Variants in GPLD1 observed in about 807,000 individuals in gnomAD.
GPLD1 encodes glycosylphosphatidylinositol specific phospholipase D1.
GPLD1 carries 84 observed loss-of-function variants against 112.6 expected under a neutral mutation model. That is an observed-to-expected ratio of 0.75 (90% confidence interval 0.63 to 0.89). GPLD1 has a LOEUF of 0.89. Among genes scored for constraint, GPLD1 ranks in the 40% least tolerant of loss-of-function variants. The probability of loss-of-function intolerance (pLI) is 0.00; values close to 1 mark genes in which losing one functional copy is unlikely to be tolerated. For missense variants in GPLD1, 1,044 were observed against 1,051.5 expected, an observed-to-expected ratio of 0.99 and a Z score of 0.10; for synonymous variants, 386 against 403.8, an observed-to-expected ratio of 0.96 and a Z score of 0.53.
chr6:24,465,689 A>C lies in GPLD1; in HGVS notation c.821+991T>G, dbSNP rs150744595. Among the ~76,000 whole-genome samples the C allele has an allele frequency of 3.2e-3, 493 of 152,296 alleles. 5 individuals are homozygous for C. The highest frequency in any genetic ancestry group is 5.5e-3 in the Non-Finnish European group (374 of 68,012). On this transcript the variant is annotated intron_variant, in intron 10 of 24. Transcript: ENST00000230036. ...TCTACTACAGCTAGAAGTGGGGACA[A>C]TCACAGTCTACCTTATCTATATTTC...
At chr6:24,462,417 G>C (rs1763467190) in intron 11 of GPLD1, among the ~76,000 whole-genome samples, 1 of 152,136 alleles carries the variant, frequency 6.6e-6, no homozygotes, top group Admixed American at 6.5e-5. Flanking sequence ...TTACACGTAT[G>C]AGCCACTGTG....
chr6:24,473,742 T>C lies in GPLD1; in HGVS notation c.442-75A>G. ...ACTCTTACTTCCACAGTCAAGCAAG[T>C]GGTGGGAGATGACAGCTAACTCAAT... is the stretch of plus-strand genomic sequence containing the variant. On this transcript the variant is annotated intron_variant, in intron 5 of 24. Transcript: ENST00000230036. The C allele has an allele frequency of 3.3e-6, 3 of 912,458 alleles. No homozygotes were observed. The Admixed American group carries it at 6.2e-5, about 19-fold the overall frequency. 56.5% of individuals were successfully genotyped at this position (912,458 alleles called of 1,614,324 possible). A position where few individuals can be genotyped will look rare whatever the true frequency, so the allele number is the denominator to read the frequency against.
rs372217193 is a variant in GPLD1 at position 24,437,109 on chromosome 6, T to C, written c.2197+4A>G. On this transcript the variant is annotated splice_donor_region_variant and intron_variant, in intron 21 of 24. Transcript: ENST00000230036. Reference sequence around the variant, plus strand: ...CTTGTCAAAGGGTCCTGTTCCTTTCTTACCTAAGCCATCATCATCCAGGTC... The same window carrying C: ...CTTGTCAAAGGGTCCTGTTCCTTTCCTACCTAAGCCATCATCATCCAGGTC... 14 of 1,613,746 alleles carry C rather than the reference T, an allele frequency of 8.7e-6. No homozygotes were observed. Among genetic ancestry groups the C allele is most frequent in the Non-Finnish European group, 1.1e-5 (13 of 1,179,624 alleles).
At chr6:24,465,071 C>T (rs913344606) in intron 10 of GPLD1, among the ~76,000 whole-genome samples, 7 of 151,650 alleles carry the variant, frequency 4.6e-5, no homozygotes, top group Non-Finnish European at 7.4e-5. Flanking sequence ...GTGGTGAGTA[C>T]CTGTAGTCAT....
chr6:24,445,137 C>G (rs545555898), intron 20 of GPLD1, among the ~76,000 whole-genome samples: 12 of 152,196 alleles, frequency 7.9e-5, no homozygotes, highest in African/African-American at 2.6e-4. Flanking sequence ...AAGCGATTCT[C>G]CTGCCTCAGC....
Position 24,428,171 on chromosome 6 carries a change from T to TC in GPLD1, c.*860_*861insG, listed in dbSNP as rs1762296988. On this transcript the variant is annotated 3_prime_UTR_variant, in exon 25 of 25. Coordinates refer to ENST00000230036, the MANE Select transcript of GPLD1 (RefSeq NM_001503.4). ...CTCCCTCAGTTTCTTTTTTTTTTTT[T>TC]TTTCTGTATACTATGCTTTCTATTA... is the stretch of plus-strand genomic sequence containing the variant. 6.6e-6 allele frequency: 1 copy of TC among 152,022 alleles called. No individual in the cohort carries two copies. The highest frequency in any genetic ancestry group is 2.1e-4 in the South Asian group (1 of 4,812). 9.4% of individuals were successfully genotyped at this position (152,022 alleles called of 1,614,324 possible).
intron 10 of GPLD1, among the ~76,000 whole-genome samples, chr6:24,464,878 T>C (rs920556214): frequency 6.6e-6 from 1 of 152,152 alleles, no homozygotes; most frequent in Non-Finnish European, 1.5e-5. Context: ...AGAGGCTGCA[T>C]GTCCAACAGC....
At chr6:24,465,650 T>A (rs1298747322) in intron 10 of GPLD1, among the ~76,000 whole-genome samples, 1 of 152,090 alleles carries the variant, frequency 6.6e-6, no homozygotes, top group Non-Finnish European at 1.5e-5. Context: ...TAAGACTCTG[T>A]GAGAGTCTAA....
chr6:24,487,212 A>G (rs1764406200), intron 1 of GPLD1, among the ~76,000 whole-genome samples: 1 of 152,246 alleles, frequency 6.6e-6, no homozygotes, highest in South Asian at 2.1e-4. Flanking sequence ...TTTACGCTGA[A>G]TGAAGCCATT....
intron 24 of GPLD1, among the ~76,000 whole-genome samples, chr6:24,429,505 C>T (rs1019764059): frequency 1.3e-5 from 2 of 152,096 alleles, no homozygotes; most frequent in Admixed American, 1.3e-4. Context: ...ATTTTAGGAC[C>T]CATCTTTCAG....
intron 14 of GPLD1, among the ~76,000 whole-genome samples, chr6:24,450,953 C>T (rs2127337717): frequency 6.6e-6 from 1 of 152,310 alleles, no homozygotes; most frequent in Admixed American, 6.5e-5. Context: ...GCCTGGGCAA[C>T]AGAAGTGAAA....
chr6:24,425,706 C>T (rs368176677), downstream of GPLD1: 23 of 152,180 alleles, frequency 1.5e-4, no homozygotes, highest in African/African-American at 4.8e-4. Flanking sequence ...TATCGCCTGT[C>T]AAACACATCA....
intron 11 of GPLD1, among the ~76,000 whole-genome samples, chr6:24,461,210 C>A (rs994227806): frequency 2.0e-5 from 3 of 152,000 alleles, no homozygotes; most frequent in Non-Finnish European, 2.9e-5. Flanking sequence ...TGACGGGGCC[C>A]TGGGCATGAC....
upstream of GPLD1, among the ~76,000 whole-genome samples, chr6:24,490,764 A>C (rs562854499): frequency 6.7e-5 from 10 of 149,240 alleles, no homozygotes; most frequent in Admixed American, 4.0e-4. Flanking sequence ...AAAAAAAAAA[A>C]GAAAAGAAAA....
intron 10 of GPLD1, among the ~76,000 whole-genome samples, chr6:24,465,224 G>T (rs1041105939): frequency 4.1e-4 from 57 of 139,404 alleles, no homozygotes; most frequent in East Asian, 8.9e-4. Flanking sequence ...GAAAAGAAAA[G>T]AAAAGAAAAG....
chr6:24,451,799 G>A (rs956596915), intron 14 of GPLD1, among the ~76,000 whole-genome samples: 2 of 152,210 alleles, frequency 1.3e-5, no homozygotes, highest in African/African-American at 4.8e-5. Flanking sequence ...CTTTCTGTAA[G>A]GCAGAAACTT....
At chr6:24,465,089 C>G (rs368064749) in intron 10 of GPLD1, among the ~76,000 whole-genome samples, 2 of 149,664 alleles carry the variant, frequency 1.3e-5, no homozygotes, top group African/African-American at 4.9e-5. Flanking sequence ...CATAACTACT[C>G]GGGAAGCTGA....
At chr6:24,487,501 A>C (rs1267627348) in intron 1 of GPLD1, among the ~76,000 whole-genome samples, 1 of 141,928 alleles carries the variant, frequency 7.0e-6, no homozygotes, top group African/African-American at 2.6e-5. Flanking sequence ...GGTTTTATTA[A>C]AATTTCAGAT....
At chr6:24,494,943 T>A in intron 1 of GPLD1, 2 of 1,277,080 alleles carry the variant, frequency 1.6e-6, no homozygotes. Context: ...ACCCCTGCGT[T>A]CCCGTGCGCG....
Sources: allele counts gnomAD v4.1 joint callset (sites outside exome capture counted in the v4.1 genomes callset), GRCh38; gene constraint gnomAD v4.1.1; transcripts MANE v1.5; gene names NCBI Gene and HGNC (gene_info 2026-07-23, HGNC 2026-07-21).